Variants in THADA observed in about 807,000 individuals in gnomAD.
THADA encodes the protein THADA armadillo repeat containing, also known as tRNA (32-2'-O)-methyltransferase regulator THADA.
In THADA, 213 loss-of-function variants were observed where a neutral mutation model predicts 219.8. The ratio of observed to expected loss-of-function variants is 0.97; its 90% CI spans 0.87 to 1.09. The LOEUF is 1.09. Ranked by LOEUF, THADA falls within the 50% of genes least tolerant of loss-of-function variation. The pLI is 0.00. For synonymous variants in THADA, 1,018 were observed against 828.9 expected (o/e 1.23, Z -3.92); for missense variants, 2,956 against 2,311.3 (o/e 1.28, Z -5.72).
At chr2:43,431,649 T>TGGAGACGGGG (rs1558750565) in intron 26 of THADA, among the ~76,000 whole-genome samples, 188 of 35,832 alleles carry the variant, frequency 5.2e-3, no homozygotes, top group African/African-American at 0.013. Flanking sequence ...GTACTTTTTT[T>TGGAGACGGGG]TTTTTTTTTT....
At chr2:43,356,986 G>A (rs1173688361) in intron 29 of THADA, among the ~76,000 whole-genome samples, 1 of 152,218 alleles carries the variant, frequency 6.6e-6, no homozygotes, top group African/African-American at 2.4e-5. Context: ...AAGGAATGTA[G>A]TATGAGCTAA....
rs534102197 is a variant in THADA at position 43,544,046 on chromosome 2, G to C, written c.3107-2730C>G. 1.1e-4 allele frequency among the ~76,000 whole-genome samples: 17 copies of C among 152,224 alleles called. No individual in the cohort carries two copies. In the South Asian group the frequency reaches 1.2e-3, roughly 11 times the overall value. On this transcript the variant is annotated intron_variant, in intron 20 of 37. Coordinates refer to ENST00000405975, the MANE Select transcript of THADA (RefSeq NM_022065.5). Reference sequence around the variant, plus strand: ...TTTAATCCGTCTTGAATTAATTTTTGTATAAGGTGTAAGGAAGGGATCCAG... The same window carrying C: ...TTTAATCCGTCTTGAATTAATTTTTCTATAAGGTGTAAGGAAGGGATCCAG...
rs772228661 is a variant in THADA, at chr2:43,527,872, G to C, written c.3374+7C>G. 1 of 1,580,312 alleles carries C rather than the reference G, an allele frequency of 6.3e-7. No individual in the cohort carries two copies. The highest frequency in any genetic ancestry group is 1.4e-5 in the African/African-American group (1 of 73,976). ...TTAAAACGTACACAAAAGGATATTT[G>C]TTTTACCTGTTTAGTACTTCAGTGA... On this transcript the variant is annotated splice_region_variant and intron_variant, in intron 22 of 37. Transcript: ENST00000405975.
intron 30 of THADA, among the ~76,000 whole-genome samples, chr2:43,326,471 TTTTTA>T (rs1679352276): frequency 1.3e-5 from 2 of 152,196 alleles, no homozygotes; most frequent in African/African-American, 4.8e-5. Flanking sequence ...AGGTGGGTTA[TTTTTA>T]TTTAATTTAT....
Position 43,549,322 on chromosome 2 carries a change from T to C in THADA, c.2994A>G (p.Arg998=). The C allele has an allele frequency of 7.5e-6, 12 of 1,602,922 alleles. No homozygotes were observed. The highest frequency in any genetic ancestry group is 1.0e-5 in the Non-Finnish European group (12 of 1,174,888). ...LQMILNEIQP[R]DTNDYFNQAK... is the part of the protein sequence containing the mutation. ...CTTGGTTAAAATAATCATTAGTATC[T>C]CGAGGCTGAATCTCATTCAGAATCA... Residue 998 remains arginine (R), a synonymous_variant, in exon 20 of 38, where the codon CGA becomes CGG. Coordinates refer to ENST00000405975, the MANE Select transcript of THADA (RefSeq NM_022065.5).
chr2:43,533,157 A>G (rs549359739), intron 21 of THADA, among the ~76,000 whole-genome samples: 1 of 152,260 alleles, frequency 6.6e-6, no homozygotes, highest in African/African-American at 2.4e-5. Flanking sequence ...ATCACTGGTC[A>G]TTAGAGAAAT....
At chr2:43,433,161 C>CT (rs1377601536) in intron 26 of THADA, among the ~76,000 whole-genome samples, 1 of 151,664 alleles carries the variant, frequency 6.6e-6, no homozygotes, top group East Asian at 1.9e-4. Flanking sequence ...GGTCAAGGTT[C>CT]TTTTTTTCCA....
At chr2:43,334,238 G>A (rs1666128325) in intron 30 of THADA, among the ~76,000 whole-genome samples, 2 of 152,108 alleles carry the variant, frequency 1.3e-5, no homozygotes, top group African/African-American at 4.8e-5. Context: ...GGAGGAGACA[G>A]GAAAGTGACT....
chr2:43,488,319 C>T (rs1029852832), intron 25 of THADA, among the ~76,000 whole-genome samples: 5 of 152,164 alleles, frequency 3.3e-5, no homozygotes, highest in Admixed American at 6.5e-5. Context: ...AAATGAAACT[C>T]GGGAGCCGTT....
At chr2:43,422,528 G>A (rs185736454) in intron 28 of THADA, among the ~76,000 whole-genome samples, 2 of 152,268 alleles carry the variant, frequency 1.3e-5, no homozygotes, top group East Asian at 3.9e-4. Context: ...CAGCAACAGT[G>A]TCATGCTGCT....
chr2:43,388,595 A>G (rs1438978204), intron 29 of THADA, among the ~76,000 whole-genome samples: 5 of 152,240 alleles, frequency 3.3e-5, no homozygotes, highest in African/African-American at 1.2e-4. Flanking sequence ...GATGTAATTC[A>G]AAACAAAACA....
intron 29 of THADA, among the ~76,000 whole-genome samples, chr2:43,376,008 G>GC (rs780380712): frequency 6.6e-6 from 1 of 152,172 alleles, no homozygotes; most frequent in Non-Finnish European, 1.5e-5. Flanking sequence ...GGCCCCTGAA[G>GC]CCAGATAAAC....
intron 1 of THADA, chr2:43,595,530 C>T (rs1195327123): frequency 6.6e-6 from 1 of 152,352 alleles, no homozygotes; most frequent in Non-Finnish European, 1.5e-5. Context: ...TATGCCTGCT[C>T]AAATGATGCC....
At chr2:43,514,996 T>C (rs1160752889) in intron 22 of THADA, among the ~76,000 whole-genome samples, 1 of 57,458 alleles carries the variant, frequency 1.7e-5, no homozygotes, top group Non-Finnish European at 2.8e-5. Context: ...ATATATAATA[T>C]ATAATATTAT....
At chr2:43,308,121 C>A (rs966025512) in intron 31 of THADA, among the ~76,000 whole-genome samples, 2 of 151,942 alleles carry the variant, frequency 1.3e-5, no homozygotes, top group African/African-American at 4.8e-5. Context: ...TTTGGGAGGC[C>A]AAGGGAGGAG....
intron 28 of THADA, among the ~76,000 whole-genome samples, chr2:43,426,647 G>A (rs777590190): frequency 9.9e-5 from 15 of 152,140 alleles, no homozygotes; most frequent in Non-Finnish European, 1.2e-4. Flanking sequence ...AAGGCTTGGC[G>A]CAAACAAATA....
At chr2:43,393,349 A>T (rs1673624805) in intron 29 of THADA, among the ~76,000 whole-genome samples, 1 of 152,240 alleles carries the variant, frequency 6.6e-6, no homozygotes, top group South Asian at 2.1e-4. Flanking sequence ...AGCCATAAAA[A>T]GCTGTTATTC....
intron 31 of THADA, among the ~76,000 whole-genome samples, chr2:43,315,826 G>GT: frequency 6.6e-6 from 1 of 152,302 alleles, no homozygotes; most frequent in East Asian, 1.9e-4. Context: ...TAAAAATCCT[G>GT]TAAGGATGAG....
chr2:43,456,234 C>T (rs1682980898), intron 26 of THADA, among the ~76,000 whole-genome samples: 1 of 152,158 alleles, frequency 6.6e-6, no homozygotes, highest in Non-Finnish European at 1.5e-5. Flanking sequence ...GTCATGCATT[C>T]AGACAAAGGT....
Sources: gnomAD v4.1 joint callset for allele counts (sites outside exome capture counted in the v4.1 genomes callset) on GRCh38, gnomAD v4.1.1 for gene constraint, MANE v1.5 for transcripts, NCBI Gene and HGNC (gene_info 2026-07-23, HGNC 2026-07-21) for gene names.